The following TSPAN10 variants were observed in gnomAD, a reference collection of about 807,000 sequenced individuals.
TSPAN10 encodes tetraspanin-10.
Under a neutral mutation model 15.0 loss-of-function variants are expected in TSPAN10, and 11 were observed. The observed-to-expected ratio is 0.73, with a 90% CI of 0.46 to 1.21. The LOEUF (loss-of-function observed/expected upper bound fraction) is 1.21. Among genes scored for constraint, TSPAN10 ranks in the 50% most tolerant of loss-of-function variants. TSPAN10 has a pLI of 0.00. For synonymous variants in TSPAN10, 241 were observed against 226.2 expected (o/e 1.07, Z -0.59); for missense variants, 486 against 470.6 (o/e 1.03, Z -0.30).
upstream of TSPAN10, chr17:81,637,452 T>G (rs765502204): frequency 6.5e-4 from 91 of 140,386 alleles, no homozygotes; most frequent in Middle Eastern, 1.8e-3. Flanking sequence ...CACCTTCATG[T>G]TTTTTTTTTT....
exon 3 of TSPAN10, chr17:81,648,100 G>C: frequency 1.3e-6 from 2 of 1,575,884 alleles, no homozygotes; most frequent in Non-Finnish European, 1.7e-6. Flanking sequence ...CGCGAACCTG[G>C]CTGCCTCGGG....
chr17:81,639,536 A>G (rs1289197349), upstream of TSPAN10, among the ~76,000 whole-genome samples: 2 of 151,728 alleles, frequency 1.3e-5, no homozygotes, highest in African/African-American at 4.8e-5. Flanking sequence ...CCTGGAAGCT[A>G]GAATCCCAGA....
At chr17:81,648,084 G>T (rs756963687) in exon 3 of TSPAN10, 18 of 1,588,942 alleles carry the variant, frequency 1.1e-5, no homozygotes, top group Admixed American at 3.5e-5. Context: ...TCCGGCGGTG[G>T]CTGCGCGCGA....
At chr17:81,647,649 C>A in intron 2 of TSPAN10, 1 of 652,112 alleles carries the variant, frequency 1.5e-6, no homozygotes, top group African/African-American at 1.8e-5. Flanking sequence ...TATCCTCCTG[C>A]TAGTCAACAC....
upstream of TSPAN10, chr17:81,642,377 C>A: frequency 1.2e-6 from 2 of 1,613,286 alleles, no homozygotes. Context: ...CCTCTCCCGG[C>A]GCCTGTGCTG....
At chr17:81,646,729 T>C (rs2036259587) in intron 2 of TSPAN10, 1 of 152,020 alleles carries the variant, frequency 6.6e-6, no homozygotes, top group Admixed American at 6.6e-5. Context: ...CAGGACATTA[T>C]TCTGGAATCT....
At chr17:81,639,643 A>G (rs2036159782), upstream of TSPAN10, among the ~76,000 whole-genome samples, 2 of 149,400 alleles carry the variant, frequency 1.3e-5, no homozygotes, top group Non-Finnish European at 3.0e-5. Flanking sequence ...CACGCCTGTC[A>G]TCCCAGCGCG....
At chr17:81,647,035 C>T (rs1002881319) in intron 2 of TSPAN10, among the ~76,000 whole-genome samples, 1 of 152,226 alleles carries the variant, frequency 6.6e-6, no homozygotes, top group African/African-American at 2.4e-5. Flanking sequence ...GTCTCCCAAG[C>T]CTTCTTGGTG....
At chr17:81,646,015 G>T in intron 2 of TSPAN10, 1 of 339,368 alleles carries the variant, frequency 2.9e-6, no homozygotes, top group Non-Finnish European at 5.4e-6. Flanking sequence ...CCCCCAGAAC[G>T]TGCAGGGTGA....
upstream of TSPAN10, among the ~76,000 whole-genome samples, chr17:81,640,755 G>A (rs563202363): frequency 3.0e-4 from 45 of 152,174 alleles, no homozygotes; most frequent in African/African-American, 1.1e-3. Context: ...GCCCCTAATG[G>A]CCTTTAAAGG....
At chr17:81,637,587 T>A (rs909941547), upstream of TSPAN10, 33 of 528,122 alleles carry the variant, frequency 6.2e-5, no homozygotes, top group African/African-American at 5.9e-4. Context: ...TCACCTGAGG[T>A]CAAAAGTTCG....
downstream of TSPAN10, chr17:81,648,550 C>G: frequency 3.4e-6 from 1 of 296,520 alleles, no homozygotes; most frequent in Non-Finnish European, 6.1e-6. Context: ...TGAAGCTGAC[C>G]CTCACCTCCG....
exon 3 of TSPAN10, chr17:81,648,279 G>A (rs7406516): frequency 0.37 from 454,219 of 1,211,518 alleles, 91,210 homozygotes; most frequent in East Asian, 0.76. Flanking sequence ...CCGCTGCCAA[G>A]CCCGCCCGGG....
At chr17:81,645,762 C>A in intron 2 of TSPAN10, 133 bp downstream of exon 3, 1 of 1,166,210 alleles carries the variant, frequency 8.6e-7, no homozygotes, top group Non-Finnish European at 1.2e-6. Flanking sequence ...CACGTATACC[C>A]ACATGTACAC....
upstream of TSPAN10, among the ~76,000 whole-genome samples, chr17:81,641,922 A>G (rs138922274): frequency 6.6e-6 from 1 of 152,276 alleles, no homozygotes; most frequent in Non-Finnish European, 1.5e-5. Flanking sequence ...ACGCTGTTTC[A>G]TTCGTGCAGT....
intron 2 of TSPAN10, among the ~76,000 whole-genome samples, chr17:81,646,762 G>A (rs73371230): frequency 0.045 from 6,847 of 151,898 alleles, 265 homozygotes; most frequent in East Asian, 0.21. Flanking sequence ...TCCCTCCACC[G>A]TGAGTGTCAT....
chr17:81,647,893 C>T lies in TSPAN10; in HGVS notation c.675-8C>T. 3.1e-6 allele frequency: 5 copies of T among 1,590,084 alleles called. No homozygotes were observed. The South Asian group carries it at 5.6e-5, about 18-fold the overall frequency. ...CCGCCAGAACTGACGATTCCATGCG[C>T]CTTGCAGGTACTTTAACTGCAGCTC... On this transcript the variant is annotated splice_polypyrimidine_tract_variant and splice_region_variant and intron_variant, in intron 2 of 2. Coordinates refer to ENST00000611590, the Ensembl canonical transcript of TSPAN10.
upstream of TSPAN10, among the ~76,000 whole-genome samples, chr17:81,641,172 A>G (rs78962084): frequency 0.12 from 17,893 of 152,050 alleles, 1,198 homozygotes; most frequent in East Asian, 0.22. Flanking sequence ...TCTCAAAAAA[A>G]AAAAGGTTAC....
At chr17:81,645,158 C>A in exon 2 of TSPAN10, 1 of 1,562,928 alleles carries the variant, frequency 6.4e-7, no homozygotes, top group South Asian at 1.2e-5. Flanking sequence ...CCAGCCCCTT[C>A]CCTCTCCCCA....
Sources: gnomAD v4.1 joint callset for allele counts (sites outside exome capture counted in the v4.1 genomes callset) on GRCh38, gnomAD v4.1.1 for gene constraint, MANE v1.5 for transcripts, NCBI Gene and HGNC (gene_info 2026-07-23, HGNC 2026-07-21) for gene names.